The following FAM47E variants were observed in gnomAD, a reference collection of about 807,000 sequenced individuals.
FAM47E encodes the protein family with sequence similarity 47 member E.
A neutral mutation model predicts 41.6 loss-of-function variants in FAM47E; 32 were observed. The ratio of observed to expected loss-of-function variants is 0.77; its 90% CI spans 0.58 to 1.03. FAM47E has a LOEUF of 1.03. FAM47E is among the 50% of genes least tolerant of loss of function. The pLI, the probability that FAM47E is intolerant of heterozygous loss-of-function variation, is 0.00. For missense variants in FAM47E, 424 were observed against 485.4 expected, an observed-to-expected ratio of 0.87 and a Z score of 1.19; for synonymous variants, 184 against 188.7, an observed-to-expected ratio of 0.98 and a Z score of 0.20.
chr4:76,250,432 T>C (rs1210057916), upstream of FAM47E, among the ~76,000 whole-genome samples: 1 of 152,206 alleles, frequency 6.6e-6, no homozygotes, highest in Non-Finnish European at 1.5e-5. Flanking sequence ...GCTGGCTTGT[T>C]TGAGTTCCTT....
chr4:76,222,816 G>A (rs552448146), intron 2 of FAM47E, among the ~76,000 whole-genome samples: 5 of 152,294 alleles, frequency 3.3e-5, no homozygotes, highest in Admixed American at 6.5e-5. Context: ...AGAAGACCCT[G>A]GTCATGGATA....
At position 76,268,786 on chromosome 4, in the gene FAM47E, T is replaced by C. The variant is rs1364206357; in HGVS notation, c.669+18T>C. ...ATGAAAATGTATGCAAAGCAGTTAG[T>C]GACTTCTGCAAGTGGGTTACTACTT... On this transcript the variant is annotated intron_variant, in intron 4 of 7. Coordinates refer to ENST00000424749, the MANE Select transcript of FAM47E (RefSeq NM_001136570.3). 4.5e-6 allele frequency: 7 copies of C among 1,550,898 alleles called. No individual in the cohort carries two copies. Among genetic ancestry groups the C allele is most frequent in the South Asian group, 1.2e-5 (1 of 83,854 alleles).
In FAM47E at chr4:76,222,921, G is replaced by C. The variant is rs28442089; in HGVS notation, c.81+5233G>C. ...AAGCTGAAGCTCAGAAGAAAGGCAG[G>C]GGGGGAAGAGGCCCAGGTGAAGCCT... On this transcript the variant is annotated intron_variant, in intron 2 of 7. Transcript: ENST00000510197. Among the ~76,000 whole-genome samples, 11 of 152,150 alleles carry C rather than the reference G, an allele frequency of 7.2e-5. No homozygotes were observed. In the South Asian group the frequency reaches 8.3e-4, roughly 11 times the overall value.
chr4:76,243,781 T>C (rs774399096), intron 2 of FAM47E, among the ~76,000 whole-genome samples: 2 of 152,232 alleles, frequency 1.3e-5, no homozygotes, highest in Non-Finnish European at 2.9e-5. Context: ...CTGGGGTACA[T>C]GTGCAGAACG....
chr4:76,217,623 C>T (rs1448841137), exon 2 of FAM47E: 2 of 630,046 alleles, frequency 3.2e-6, no homozygotes, highest in South Asian at 1.9e-5. Context: ...GATGTCTGTG[C>T]CGTGCGTCTT....
intron 2 of FAM47E, among the ~76,000 whole-genome samples, chr4:76,260,631 A>C (rs189736138): frequency 6.6e-6 from 1 of 152,254 alleles, no homozygotes; most frequent in Admixed American, 6.6e-5. Context: ...ACCTACAAAA[A>C]AACTCTTCCA....
At chr4:76,276,588 CCCAA>C (rs80038453) in intron 5 of FAM47E, among the ~76,000 whole-genome samples, 49,893 of 151,828 alleles carry the variant, frequency 0.33, 9,482 homozygotes, top group Non-Finnish European at 0.41. Context: ...ATCTCGAATT[CCCAA>C]CCTCAGGTGA....
intron 2 of FAM47E, among the ~76,000 whole-genome samples, chr4:76,260,725 C>T (rs1050243706): frequency 6.6e-6 from 1 of 151,944 alleles, no homozygotes; most frequent in Non-Finnish European, 1.5e-5. Context: ...GAAAGTTAAG[C>T]TAAAGGACTT....
At chr4:76,237,895 C>T (rs1230941998) in intron 2 of FAM47E, among the ~76,000 whole-genome samples, 3 of 152,304 alleles carry the variant, frequency 2.0e-5, no homozygotes, top group East Asian at 1.9e-4. Flanking sequence ...AATCCACCCC[C>T]GTGATCCAAT....
intron 2 of FAM47E, among the ~76,000 whole-genome samples, chr4:76,240,191 T>C (rs1389446201): frequency 2.0e-5 from 3 of 152,330 alleles, no homozygotes; most frequent in Middle Eastern, 6.8e-3. Flanking sequence ...TCTTAGTTGA[T>C]AGTTTCTTTC....
intron 2 of FAM47E, among the ~76,000 whole-genome samples, chr4:76,263,270 T>G (rs1410971391): frequency 6.6e-6 from 1 of 152,216 alleles, no homozygotes; most frequent in Non-Finnish European, 1.5e-5. Flanking sequence ...CACCTGACTG[T>G]TTATGCTTGC....
At chr4:76,223,841 T>G (rs181326946) in intron 2 of FAM47E, among the ~76,000 whole-genome samples, 2,930 of 150,108 alleles carry the variant, frequency 0.02, 88 homozygotes, top group African/African-American at 0.071. Flanking sequence ...TGGCCTGCTT[T>G]CCACCCTCAG....
At chr4:76,281,960 G>A (rs908945378) in intron 7 of FAM47E, 3 of 152,080 alleles carry the variant, frequency 2.0e-5, no homozygotes, top group Non-Finnish European at 2.9e-5. Flanking sequence ...TGAGGGCGGG[G>A]GTAGGTTAGT....
intron 5 of FAM47E, 57 bp from the exon 6 acceptor site, chr4:76,278,012 T>C (rs1735199746): frequency 7.1e-7 from 1 of 1,409,844 alleles, no homozygotes; most frequent in African/African-American, 1.5e-5. Flanking sequence ...TTTAGATTTT[T>C]GAAATGACAA....
chr4:76,276,388 G>GTTTTTTT (rs376548618), intron 5 of FAM47E, among the ~76,000 whole-genome samples: 1 of 84,948 alleles, frequency 1.2e-5, no homozygotes, highest in African/African-American at 4.6e-5. Flanking sequence ...TTGTTTATTT[G>GTTTTTTT]GGGAGACAGC....
In FAM47E at chr4:76,221,213, C is replaced by G. The variant is rs567860861; in HGVS notation, c.81+3525C>G. ...GGAACCGAATCATACAGCCCAGCAG[C>G]CTTCACCTGCTTCACTAATGGTAAG... is the stretch of plus-strand genomic sequence containing the variant. On this transcript the variant is annotated intron_variant, in intron 2 of 7. Coordinates refer to the FAM47E transcript ENST00000510197. Among the ~76,000 whole-genome samples the G allele has an allele frequency of 6.6e-5, 10 of 152,356 alleles. No homozygotes were observed. The South Asian group carries it at 1.0e-3, about 16-fold the overall frequency.
intron 3 of FAM47E, among the ~76,000 whole-genome samples, chr4:76,267,060 T>A (rs1003495478): frequency 2.0e-5 from 3 of 152,236 alleles, no homozygotes; most frequent in Admixed American, 6.5e-5. Context: ...ATATAACTTA[T>A]AATCACCCGG....
At chr4:76,243,605 C>T (rs1030575076) in intron 2 of FAM47E, among the ~76,000 whole-genome samples, 1 of 152,204 alleles carries the variant, frequency 6.6e-6, no homozygotes, top group African/African-American at 2.4e-5. Flanking sequence ...TGGCACTCCA[C>T]TATCAATTGT....
At chr4:76,259,408 G>A (rs116280330) in intron 2 of FAM47E, among the ~76,000 whole-genome samples, 3,037 of 152,232 alleles carry the variant, frequency 0.02, 120 homozygotes, top group African/African-American at 0.069. Flanking sequence ...TGCGTGTTTC[G>A]CTTTGGCTAT....
Sources: gnomAD v4.1 joint callset for allele counts (sites outside exome capture counted in the v4.1 genomes callset) on GRCh38, gnomAD v4.1.1 for gene constraint, MANE v1.5 for transcripts, NCBI Gene and HGNC (gene_info 2026-07-23, HGNC 2026-07-21) for gene names.